The following ARHGEF18 variants were observed in gnomAD, a reference collection of about 807,000 sequenced individuals.
ARHGEF18 encodes the protein rho guanine nucleotide exchange factor 18.
A neutral mutation model predicts 155.7 loss-of-function variants in ARHGEF18; 93 were observed. The ratio of observed to expected loss-of-function variants is 0.60; its 90% CI spans 0.50 to 0.71. ARHGEF18 has a LOEUF of 0.71. ARHGEF18 is among the 30% of genes least tolerant of loss of function. The pLI is 0.00. For missense variants in ARHGEF18, 1,593 were observed against 1,816.1 expected (o/e 0.88, Z 2.23); for synonymous variants, 742 against 753.1 (o/e 0.99, Z 0.24).
rs760843365 is a variant in ARHGEF18 at position 7,451,176 on chromosome 19, C to T, written c.1765C>T (p.Arg589Trp). The change falls in exon 16 of 29, where the codon CGG (arginine) becomes TGG (tryptophan). Residue 589 changes from arginine to tryptophan, a missense_variant. Coordinates refer to ENST00000668164, the MANE Select transcript of ARHGEF18 (RefSeq NM_001367823.1). ...AATTGGCAACTTCTCCATCGTGCGG[C>T]GGCTTGGCGTGCAGGAGTGCATTCT... ...KKIGNFSIVR[R>W]LGVQECILLV... 1.6e-5 allele frequency: 24 copies of T among 1,545,204 alleles called. No homozygotes were observed. The highest frequency in any genetic ancestry group is 9.0e-5 in the South Asian group (8 of 88,968).
In ARHGEF18 at chr19:7,440,567, G is replaced by A. The variant is rs1001282524; in HGVS notation, c.1106+85G>A. 1.9e-5 allele frequency: 27 copies of A among 1,455,678 alleles called. No individual in the cohort carries two copies. Among genetic ancestry groups the A allele is most frequent in the African/African-American group, 1.7e-4 (12 of 71,386 alleles). The allele number at this position is 1,455,678 out of a possible 1,614,324, so 90.2% of individuals were successfully genotyped here. ...GACAGCCTCTTCGGAGGGAGACCCC[G>A]ACTTAGATCTGTGTGAATCCACACG... On this transcript the variant is annotated intron_variant, in intron 11 of 28. Coordinates refer to ENST00000668164, the MANE Select transcript of ARHGEF18 (RefSeq NM_001367823.1). This position sits in a 1 kb window ranked among gnomAD's most constrained non-coding sequence, Gnocchi z 5.4.
At position 7,458,670 on chromosome 19, in the gene ARHGEF18, C is replaced by A. The variant is rs201615895; in HGVS notation, c.2340C>A (p.His780Gln). ...AGGACAGGAACGCCTGGATGGCCCA[C>A]ATCCAAAGGGCTGTGGAGAGGTGAG... The part of the protein sequence containing the change: ...SKEDRNAWMA[H>Q]IQRAVESCPD... Residue 780 changes from histidine to glutamine, a missense_variant, in exon 19 of 29, where the codon CAC (histidine) becomes CAA (glutamine). Physicochemically the swap from His to Gln is conservative, Grantham distance 24. Coordinates refer to ENST00000668164, the MANE Select transcript of ARHGEF18 (RefSeq NM_001367823.1). The A allele has an allele frequency of 6.2e-7, 1 of 1,613,686 alleles. No individual in the cohort carries two copies. Among genetic ancestry groups the A allele is most frequent in the Non-Finnish European group, 8.5e-7 (1 of 1,179,820 alleles).
intron 4 of ARHGEF18, 75 bp from the exon 5 acceptor site, chr19:7,376,568 G>A: frequency 1.0e-6 from 1 of 963,306 alleles, no homozygotes; most frequent in East Asian, 3.3e-5. Context: ...CTGTGGGTTG[G>A]GCCCCTCAAT....
chr19:7,462,271 C>A lies in ARHGEF18; in HGVS notation c.2572C>A (p.Arg858Ser). ...EDLPQPRGLF[R>S]GGDPSETLQG... ...CCTGCCCCAGCCCCGAGGCCTATTC[C>A]GTGGAGGGGACCCATCCGAGACCCT... is the stretch of plus-strand genomic sequence containing the variant. The change falls in exon 21 of 29, where the codon CGT becomes AGT. Residue 858 changes from arginine (R) to serine (S), a missense_variant. Arg to Ser is a moderately radical substitution (Grantham distance 110). Coordinates refer to ENST00000668164, the MANE Select transcript of ARHGEF18 (RefSeq NM_001367823.1). This position sits in a 1 kb window ranked among gnomAD's most constrained non-coding sequence, Gnocchi z 4.4. The A allele has an allele frequency of 6.2e-7, 1 of 1,613,412 alleles. No individual in the cohort carries two copies. The highest frequency in any genetic ancestry group is 8.5e-7 in the Non-Finnish European group (1 of 1,179,796).
At chr19:7,469,867 C>T (rs1976907333) in intron 27 of ARHGEF18, 37 bp from the exon 28 acceptor site, 5 of 1,603,204 alleles carry the variant, frequency 3.1e-6, no homozygotes, top group Non-Finnish European at 4.3e-6. Flanking sequence ...GACAGCTGGC[C>T]AGCCTGGAGC....
intron 22 of ARHGEF18, 126 bp from the exon 23 acceptor site, chr19:7,464,434 C>A: frequency 1.7e-6 from 2 of 1,192,950 alleles, no homozygotes; most frequent in Non-Finnish European, 2.3e-6. Flanking sequence ...GGCGTCTGTG[C>A]TGCAGACGCC....
intron 10 of ARHGEF18, among the ~76,000 whole-genome samples, chr19:7,410,905 G>A (rs1972637241): frequency 6.7e-6 from 1 of 150,208 alleles, no homozygotes; most frequent in Non-Finnish European, 1.5e-5. Context: ...GCCACGCACT[G>A]CCCTTCCTAA....
Position 7,423,284 on chromosome 19 carries a change from C to A in ARHGEF18, c.968-17060C>A, listed in dbSNP as rs181423660. Among the ~76,000 whole-genome samples, 779 of 152,170 alleles carry A rather than the reference C, an allele frequency of 5.1e-3. 30 individuals are homozygous for A. Among genetic ancestry groups the A allele is most frequent in the Admixed American group, 0.044 (667 of 15,254 alleles). On this transcript the variant is annotated intron_variant, in intron 10 of 28. Coordinates refer to ENST00000668164, the MANE Select transcript of ARHGEF18 (RefSeq NM_001367823.1). The stretch of plus-strand genomic sequence containing the variant: ...TGGGTGTGAGGGAGCTAACAGTTGG[C>A]CCCTTGCTCTGTTCTCAGATTCTTG...
intron 10 of ARHGEF18, among the ~76,000 whole-genome samples, chr19:7,403,557 T>TTTC (rs1972133860): frequency 1.5e-5 from 2 of 133,878 alleles, no homozygotes; most frequent in Non-Finnish European, 3.4e-5. Context: ...TTCTTTCTTT[T>TTTC]TTTTTTTTTT....
downstream of ARHGEF18, among the ~76,000 whole-genome samples, chr19:7,473,798 G>A (rs1176953074): frequency 7.8e-6 from 1 of 128,226 alleles, no homozygotes; most frequent in Non-Finnish European, 1.6e-5. Flanking sequence ...AATAGAGCGA[G>A]ACTCCGTCTC....
chr19:7,411,944 A>G (rs1402321575), intron 10 of ARHGEF18, among the ~76,000 whole-genome samples: 1 of 152,104 alleles, frequency 6.6e-6, no homozygotes, highest in Non-Finnish European at 1.5e-5. Context: ...TTAAGGCTGA[A>G]TAATATTACA....
chr19:7,370,374 T>C (rs1186617881), intron 2 of ARHGEF18, among the ~76,000 whole-genome samples: 1 of 151,808 alleles, frequency 6.6e-6, no homozygotes, highest in Admixed American at 6.6e-5. Context: ...CGGGGGCCTG[T>C]AGTCCCAGCT....
intron 4 of ARHGEF18, 27 bp from the exon 5 acceptor site, chr19:7,376,616 C>T (rs1382248335): frequency 8.1e-7 from 1 of 1,227,686 alleles, no homozygotes; most frequent in East Asian, 3.2e-5. Context: ...GCCTTCCCAG[C>T]TTAGTGAGAT....
At chr19:7,349,649 G>A (rs553977982) in intron 1 of ARHGEF18, among the ~76,000 whole-genome samples, 2 of 152,188 alleles carry the variant, frequency 1.3e-5, no homozygotes, top group Non-Finnish European at 2.9e-5. Flanking sequence ...GTGGTGGCGG[G>A]CAGCTGTAAT....
intron 10 of ARHGEF18, chr19:7,439,665 A>C: frequency 8.5e-7 from 1 of 1,180,306 alleles, no homozygotes; most frequent in Non-Finnish European, 1.1e-6. Flanking sequence ...ATTCTGTTCG[A>C]GTGCTGATGA....
Position 7,380,885 on chromosome 19 carries a change from G to C in ARHGEF18, c.645-32G>C, listed in dbSNP as rs1002199398. On this transcript the variant is annotated intron_variant, in intron 7 of 28. Coordinates refer to ENST00000668164, the MANE Select transcript of ARHGEF18 (RefSeq NM_001367823.1). ...TAGGTGAGTGGGAGAAGAGGCTGCC[G>C]ACCCAGGTATCTGTCCCCTCTGATC... 9.8e-6 allele frequency: 12 copies of C among 1,229,302 alleles called. No individual in the cohort carries two copies. The African/African-American group carries it at 1.7e-4, about 18-fold the overall frequency. 76.1% of individuals were successfully genotyped at this position (1,229,302 alleles called of 1,614,324 possible).
intron 10 of ARHGEF18, among the ~76,000 whole-genome samples, chr19:7,389,755 G>A (rs536843713): frequency 1.3e-5 from 2 of 151,920 alleles, no homozygotes; most frequent in Non-Finnish European, 2.9e-5. Flanking sequence ...GGCTGGTCTC[G>A]AACTCCTGGC....
At chr19:7,394,961 C>T (rs1971604673) in intron 10 of ARHGEF18, 2 of 791,000 alleles carry the variant, frequency 2.5e-6, no homozygotes, top group Non-Finnish European at 3.1e-6. Flanking sequence ...GGTGCCCGCG[C>T]CCCTCTCAAG....
At chr19:7,452,712 C>G (rs148506766) in intron 16 of ARHGEF18, among the ~76,000 whole-genome samples, 35 of 151,534 alleles carry the variant, frequency 2.3e-4, no homozygotes, top group African/African-American at 8.5e-4. Context: ...GTGATCTGCC[C>G]GCCTCAGCCT....
Sources: allele counts gnomAD v4.1 joint callset (sites outside exome capture counted in the v4.1 genomes callset), GRCh38; gene constraint gnomAD v4.1.1; non-coding constraint Gnocchi (gnomAD v3.1); transcripts MANE v1.5; gene names NCBI Gene and HGNC (gene_info 2026-07-23, HGNC 2026-07-21).